AGTPBP1: variants seen among roughly 807,000 people sequenced by gnomAD.
AGTPBP1 encodes the protein cytosolic carboxypeptidase 1.
A neutral mutation model predicts 143.9 loss-of-function variants in AGTPBP1; 70 were observed. The ratio of observed to expected loss-of-function variants is 0.49; its 90% CI spans 0.40 to 0.59. The LOEUF (loss-of-function observed/expected upper bound fraction) is 0.59, where lower values mean the gene tolerates loss of function less well. Among genes scored for constraint, AGTPBP1 ranks in the 20% least tolerant of loss-of-function variants. The pLI is 0.00. For missense variants in AGTPBP1, 1,229 were observed against 1,464.5 expected (o/e 0.84, Z 2.62); for synonymous variants, 463 against 500.2 (o/e 0.93, Z 0.99).
chr9:85,726,256 AAAAG>A (rs1416001335), intron 1 of AGTPBP1, among the ~76,000 whole-genome samples: 5 of 151,894 alleles, frequency 3.3e-5, no homozygotes, highest in Non-Finnish European at 5.9e-5. Context: ...AAAACAAAAA[AAAAG>A]AAAAATGTTT....
At chr9:85,611,155 CTTTTT>C (rs56023115) in intron 17 of AGTPBP1, among the ~76,000 whole-genome samples, 1 of 112,756 alleles carries the variant, frequency 8.9e-6, no homozygotes, top group Non-Finnish European at 1.8e-5. Flanking sequence ...AGGGGCTTTT[CTTTTT>C]TTTTTTTTTT....
intron 11 of AGTPBP1, 114 bp downstream of exon 11, chr9:85,655,029 T>C (rs780935625): frequency 1.1e-6 from 1 of 903,504 alleles, no homozygotes; most frequent in African/African-American, 1.7e-5. Flanking sequence ...TGAATGTTTA[T>C]CACGTTAAGT....
At chr9:85,652,805 T>C (rs1833250231) in intron 11 of AGTPBP1, among the ~76,000 whole-genome samples, 1 of 152,228 alleles carries the variant, frequency 6.6e-6, no homozygotes, top group African/African-American at 2.4e-5. Context: ...AGGTCAGACA[T>C]ACAGGTAGTC....
chr9:85,779,450 G>C, the AGTPBP1 span, among the ~76,000 whole-genome samples: 4 of 152,080 alleles, frequency 2.6e-5, no homozygotes, highest in Non-Finnish European at 5.9e-5. Context: ...TCCAGCATGG[G>C]AGAAAGATGT....
intron 7 of AGTPBP1, among the ~76,000 whole-genome samples, chr9:85,672,276 T>C (rs1235398476): frequency 8.6e-5 from 13 of 151,956 alleles, no homozygotes; most frequent in African/African-American, 3.1e-4. Flanking sequence ...CCCATGTCGG[T>C]CAGGCTGGTC....
At chr9:85,680,242 A>T (rs1035661323) in intron 4 of AGTPBP1, among the ~76,000 whole-genome samples, 1 of 152,142 alleles carries the variant, frequency 6.6e-6, no homozygotes, top group Non-Finnish European at 1.5e-5. Flanking sequence ...ATTCTCAGAA[A>T]TGTGCTTTAT....
At chr9:85,568,480 G>C (rs1204657422) in intron 25 of AGTPBP1, among the ~76,000 whole-genome samples, 3 of 152,208 alleles carry the variant, frequency 2.0e-5, no homozygotes, top group African/African-American at 7.2e-5. Flanking sequence ...CAAGCTCAAA[G>C]AGGAGAGGAA....
At chr9:85,574,709 G>A (rs1587660692) in intron 25 of AGTPBP1, among the ~76,000 whole-genome samples, 1 of 150,778 alleles carries the variant, frequency 6.6e-6, no homozygotes, top group African/African-American at 2.4e-5. Flanking sequence ...CTGACTCTAA[G>A]CCTTTTTTTT....
chr9:85,642,976 A>T (rs1832589482), intron 12 of AGTPBP1, 33 bp from the exon 13 acceptor site: 1 of 1,497,060 alleles, frequency 6.7e-7, no homozygotes, highest in African/African-American at 1.4e-5. Context: ...TTATCAGGTA[A>T]AACAAAATTT....
At chr9:85,597,648 A>G (rs1829381488) in intron 17 of AGTPBP1, among the ~76,000 whole-genome samples, 1 of 152,148 alleles carries the variant, frequency 6.6e-6, no homozygotes, top group South Asian at 2.1e-4. Flanking sequence ...TAGGTGGTAA[A>G]TGCTATTATT....
intron 25 of AGTPBP1, among the ~76,000 whole-genome samples, chr9:85,564,563 A>T (rs906644501): frequency 2.6e-5 from 4 of 152,212 alleles, no homozygotes; most frequent in African/African-American, 9.6e-5. Flanking sequence ...CTTTTTCTAT[A>T]TTCAAATATG....
At position 85,721,490 on chromosome 9, in the gene AGTPBP1, CTTTTT is replaced by C. The variant is rs56681803; in HGVS notation, c.-33-8929_-33-8925del. ...TCAGAGACTAGGATTGCAACCCCTG[CTTTTT>C]TTTTTTTTTTTTCTTTCCATTTGCT... On this transcript the variant is annotated intron_variant, in intron 1 of 25. Coordinates refer to ENST00000357081, the MANE Select transcript of AGTPBP1 (RefSeq NM_001330701.2). Among the ~76,000 whole-genome samples the C allele has an allele frequency of 5.3e-5, 7 of 133,186 alleles. No individual in the cohort carries two copies. The East Asian group carries it at 7.0e-4, about 13-fold the overall frequency. The allele number at this position is 133,186 out of a possible 152,430, so 87.4% of individuals were successfully genotyped here. A position where few individuals can be genotyped will look rare whatever the true frequency, so the allele number is the denominator to read the frequency against.
chr9:85,605,801 T>C (rs1829955127), intron 17 of AGTPBP1, among the ~76,000 whole-genome samples: 1 of 152,102 alleles, frequency 6.6e-6, no homozygotes, highest in African/African-American at 2.4e-5. Context: ...TGTTTGTTAA[T>C]GTTTGTTTTT....
At chr9:85,690,116 T>C (rs1245097274) in intron 3 of AGTPBP1, among the ~76,000 whole-genome samples, 1 of 151,912 alleles carries the variant, frequency 6.6e-6, no homozygotes, top group Non-Finnish European at 1.5e-5. Context: ...ATTGTCATTC[T>C]AATTTCTGTC....
chr9:85,577,143 G>A (rs1450612135), intron 24 of AGTPBP1, among the ~76,000 whole-genome samples: 2 of 152,086 alleles, frequency 1.3e-5, no homozygotes, highest in Admixed American at 1.3e-4. Context: ...AAGTCTATCA[G>A]TAGAATCCAA....
At position 85,674,960 on chromosome 9, in the gene AGTPBP1, G is replaced by A. The variant is rs187223191; in HGVS notation, c.437-2279C>T. ...CACCCAAGCTGGAGTGCAGTGGTACGATCTCGGCTCACTGCAACCTCCACC... is the reference window on the plus strand; with the variant it reads ...CACCCAAGCTGGAGTGCAGTGGTACAATCTCGGCTCACTGCAACCTCCACC... On this transcript the variant is annotated intron_variant, in intron 6 of 25. Coordinates refer to ENST00000357081, the MANE Select transcript of AGTPBP1 (RefSeq NM_001330701.2). 1.7e-4 allele frequency among the ~76,000 whole-genome samples: 26 copies of A among 151,940 alleles called. No individual in the cohort carries two copies. In the East Asian group the frequency reaches 4.8e-3, roughly 28 times the overall value.
intron 1 of AGTPBP1, among the ~76,000 whole-genome samples, chr9:85,723,407 G>A (rs1050151415): frequency 1.3e-5 from 2 of 152,154 alleles, no homozygotes; most frequent in Non-Finnish European, 2.9e-5. Flanking sequence ...AATGGCGGAC[G>A]CCCCTCCCCC....
chr9:85,649,528 T>G (rs1164056293), intron 11 of AGTPBP1, among the ~76,000 whole-genome samples: 2 of 152,208 alleles, frequency 1.3e-5, no homozygotes, highest in Admixed American at 1.3e-4. Flanking sequence ...CAGATACTGA[T>G]AAATTTATCT....
At chr9:85,681,161 ACGT>A (rs1380202579) in intron 4 of AGTPBP1, 104 bp downstream of exon 4, 5 of 961,654 alleles carry the variant, frequency 5.2e-6, no homozygotes, top group Non-Finnish European at 8.0e-6. Flanking sequence ...GTATATATGT[ACGT>A]GTGTATGTGT....
Sources: allele counts gnomAD v4.1 joint callset (sites outside exome capture counted in the v4.1 genomes callset), GRCh38; gene constraint gnomAD v4.1.1; transcripts MANE v1.5; gene names NCBI Gene and HGNC (gene_info 2026-07-23, HGNC 2026-07-21).